Variants in FOXO3 observed in about 807,000 individuals in gnomAD.
FOXO3 encodes the protein forkhead box O3.
A neutral mutation model predicts 41.9 loss-of-function variants in FOXO3; 4 were observed. The observed-to-expected ratio is 0.10, with a 90% CI of 0.05 to 0.22. FOXO3 has a LOEUF of 0.22. Among genes scored for constraint, FOXO3 ranks in the 10% least tolerant of loss-of-function variants. The probability of loss-of-function intolerance (pLI) is 1.00; values close to 1 mark genes in which losing one functional copy is unlikely to be tolerated. For missense variants in FOXO3, 534 were observed against 906.8 expected, an observed-to-expected ratio of 0.59 and a Z score of 5.28; for synonymous variants, 318 against 389.3, an observed-to-expected ratio of 0.82 and a Z score of 2.16.
At chr6:108,617,009 A>G (rs1343399984) in intron 1 of FOXO3, among the ~76,000 whole-genome samples, 1 of 152,232 alleles carries the variant, frequency 6.6e-6, no homozygotes, top group Non-Finnish European at 1.5e-5. Context: ...TGGATATACT[A>G]CATTTTATTT....
rs1770822277 is a variant in FOXO3 at position 108,680,836 on chromosome 6, G to A, written c.*1044G>A. Reference sequence around the variant, plus strand: ...GAGCATTAAGCTTGCAGTGAGAAATGTGCGAAGAGTAAAAACCCAAGTCAA... The same window carrying A: ...GAGCATTAAGCTTGCAGTGAGAAATATGCGAAGAGTAAAAACCCAAGTCAA... On this transcript the variant is annotated 3_prime_UTR_variant, in exon 3 of 3. Coordinates refer to ENST00000406360, the MANE Select transcript of FOXO3 (RefSeq NM_001455.4). 4 of 151,940 alleles carry A rather than the reference G, an allele frequency of 2.6e-5. No individual in the cohort carries two copies. The highest frequency in any genetic ancestry group is 2.6e-4 in the Admixed American group (4 of 15,238). The allele number at this position is 151,940 out of a possible 1,614,324, so 9.4% of individuals were successfully genotyped here.
At position 108,684,146 on chromosome 6, in the gene FOXO3, G is replaced by A. The variant is rs1445773944; in HGVS notation, c.*4354G>A. ...GTGTGCGGCTGCTTTTAAGAACTAT[G>A]TGTCTGGTCACTTATTTCTCTAAAA... On this transcript the variant is annotated 3_prime_UTR_variant, in exon 3 of 3. Coordinates refer to ENST00000406360, the MANE Select transcript of FOXO3 (RefSeq NM_001455.4). 6.6e-6 allele frequency: 1 copy of A among 152,526 alleles called. No homozygotes were observed. Among genetic ancestry groups the A allele is most frequent in the Non-Finnish European group, 1.5e-5 (1 of 68,014 alleles). 9.4% of individuals were successfully genotyped at this position (152,526 alleles called of 1,614,324 possible). A position where few individuals can be genotyped will look rare whatever the true frequency, so the allele number is the denominator to read the frequency against.
intron 2 of FOXO3, among the ~76,000 whole-genome samples, chr6:108,666,445 C>T (rs897449425): frequency 2.6e-5 from 4 of 151,908 alleles, no homozygotes; most frequent in Admixed American, 2.6e-4. Context: ...ACGCCATTCT[C>T]CTGCCTCAGC....
chr6:108,564,468 G>C (rs754896851), intron 1 of FOXO3, among the ~76,000 whole-genome samples: 8 of 152,196 alleles, frequency 5.3e-5, no homozygotes, highest in Non-Finnish European at 5.9e-5. Context: ...AATGTAAGAG[G>C]ATTTTTAACT....
intron 1 of FOXO3, among the ~76,000 whole-genome samples, chr6:108,574,776 C>T (rs975195984): frequency 2.0e-5 from 3 of 152,058 alleles, no homozygotes; most frequent in South Asian, 2.1e-4. Flanking sequence ...AAGGCAGTGC[C>T]GTAAGATAAA....
chr6:108,665,561 G>T (rs1362677843), intron 2 of FOXO3, among the ~76,000 whole-genome samples: 1 of 152,078 alleles, frequency 6.6e-6, no homozygotes, highest in East Asian at 1.9e-4. Flanking sequence ...AGTGTCTCAC[G>T]CCTATAATCC....
At chr6:108,622,444 A>C (rs1209228406) in intron 1 of FOXO3, among the ~76,000 whole-genome samples, 1 of 152,178 alleles carries the variant, frequency 6.6e-6, no homozygotes, top group East Asian at 1.9e-4. Context: ...GAGAGGAAGG[A>C]GTCCTTGCCC....
chr6:108,561,555 C>T lies in FOXO3; in HGVS notation c.347C>T (p.Ala116Val), dbSNP rs1775786766. The part of the protein sequence containing the change: ...QDPGSGPATA[A>V]GGLSGGTQAL... The stretch of plus-strand genomic sequence containing the variant: ...CCCGGGTCTGGGCCAGCCACCGCGG[C>T]GGGCGGGCTGAGCGGGGGTACACAG... Residue 116 changes from alanine to valine, a missense_variant, in exon 1 of 3, where the codon GCG (alanine) becomes GTG (valine). By Grantham distance (64) the Ala-to-Val change is moderately conservative. This residue lies in a region of FOXO3 where 139 missense variants were observed against 163.7 expected (regional missense o/e 0.85). Coordinates refer to ENST00000406360, the MANE Select transcript of FOXO3 (RefSeq NM_001455.4). The T allele has an allele frequency of 1.4e-6, 2 of 1,434,568 alleles. No homozygotes were observed. Among genetic ancestry groups the T allele is most frequent in the African/African-American group, 1.5e-5 (1 of 66,910 alleles). The allele number at this position is 1,434,568 out of a possible 1,614,324, so 88.9% of individuals were successfully genotyped here.
intron 1 of FOXO3, among the ~76,000 whole-genome samples, chr6:108,635,865 A>G (rs1778107477): frequency 2.6e-5 from 4 of 152,244 alleles, no homozygotes; most frequent in Admixed American, 6.5e-5. Context: ...TGGGTTATGA[A>G]TGATGAGTTG....
chr6:108,669,674 G>A (rs1314749391), intron 2 of FOXO3, among the ~76,000 whole-genome samples: 1 of 152,144 alleles, frequency 6.6e-6, no homozygotes, highest in Admixed American at 6.5e-5. Flanking sequence ...AGAGAAAATT[G>A]ATATGGCCAT....
At chr6:108,625,489 A>G (rs1306336768) in intron 1 of FOXO3, among the ~76,000 whole-genome samples, 3 of 152,238 alleles carry the variant, frequency 2.0e-5, no homozygotes, top group Admixed American at 1.3e-4. Flanking sequence ...TAAGATACCT[A>G]TTTTCACTGT....
At chr6:108,562,183 T>TG (rs1775820735) in intron 1 of FOXO3, among the ~76,000 whole-genome samples, 1 of 151,608 alleles carries the variant, frequency 6.6e-6, no homozygotes, top group Non-Finnish European at 1.5e-5. Flanking sequence ...TTTACCGTAG[T>TG]GGGGGTCTGG....
intron 1 of FOXO3, among the ~76,000 whole-genome samples, chr6:108,568,112 C>T (rs1472154915): frequency 6.6e-6 from 1 of 151,770 alleles, no homozygotes. Context: ...GCTTGAGAGG[C>T]TGAGGCAGGA....
chr6:108,585,463 G>T (rs996730777), intron 1 of FOXO3, among the ~76,000 whole-genome samples: 3 of 152,248 alleles, frequency 2.0e-5, no homozygotes, highest in African/African-American at 7.2e-5. Context: ...CAAAATCCAG[G>T]CCTGAAAGAT....
intron 1 of FOXO3, among the ~76,000 whole-genome samples, chr6:108,563,588 C>T (rs527285696): frequency 6.6e-6 from 1 of 152,330 alleles, no homozygotes; most frequent in South Asian, 2.1e-4. Flanking sequence ...AGATTTCTCT[C>T]ACTTGAAATT....
chr6:108,607,540 A>G (rs1359737181), intron 1 of FOXO3, among the ~76,000 whole-genome samples: 2 of 151,782 alleles, frequency 1.3e-5, no homozygotes, highest in African/African-American at 2.4e-5. Flanking sequence ...GAAAGGTTAC[A>G]TGTTTTGAAA....
At chr6:108,564,951 A>G (rs1197516253) in intron 1 of FOXO3, among the ~76,000 whole-genome samples, 8 of 152,206 alleles carry the variant, frequency 5.3e-5, no homozygotes, top group Admixed American at 5.2e-4. Context: ...GGTAATTAGT[A>G]GCCACAGTTC....
intron 2 of FOXO3, 66 bp downstream of exon 2, chr6:108,664,955 C>A: frequency 6.9e-7 from 1 of 1,451,364 alleles, no homozygotes; most frequent in Admixed American, 2.3e-5. Context: ...CTGGGGGAGC[C>A]TGTCTTCTCT....
intron 2 of FOXO3, among the ~76,000 whole-genome samples, chr6:108,670,949 G>C (rs1462396086): frequency 6.6e-6 from 1 of 152,200 alleles, no homozygotes; most frequent in Non-Finnish European, 1.5e-5. Context: ...TTGAGTACCT[G>C]CTGGGCACAG....
Sources: gnomAD v4.1 joint callset for allele counts (sites outside exome capture counted in the v4.1 genomes callset) on GRCh38, gnomAD v4.1.1 for gene constraint, gnomAD v4.1.1 regional missense constraint, MANE v1.5 for transcripts, NCBI Gene and HGNC (gene_info 2026-07-23, HGNC 2026-07-21) for gene names.